DOCK4: variants seen among roughly 807,000 people sequenced by gnomAD.
DOCK4 encodes the protein dedicator of cytokinesis protein 4.
In DOCK4, 97 loss-of-function variants were observed where a neutral mutation model predicts 268.1. The ratio of observed to expected loss-of-function variants is 0.36; its 90% CI spans 0.31 to 0.43. The LOEUF is 0.43. Ranked by LOEUF, DOCK4 falls within the 20% of genes least tolerant of loss-of-function variation. DOCK4 has a pLI of 1.00. For missense variants in DOCK4, 2,145 were observed against 2,455.7 expected, an observed-to-expected ratio of 0.87 and a Z score of 2.67; for synonymous variants, 954 against 887.2, an observed-to-expected ratio of 1.08 and a Z score of -1.34.
At chr7:112,198,905 G>A (rs1019627754) in intron 1 of DOCK4, among the ~76,000 whole-genome samples, 2 of 152,092 alleles carry the variant, frequency 1.3e-5, no homozygotes, top group Non-Finnish European at 2.9e-5. Context: ...GCTCCAACGT[G>A]CTCATAACCA....
chr7:111,817,903 C>T (rs1162199238), intron 27 of DOCK4, among the ~76,000 whole-genome samples: 1 of 152,108 alleles, frequency 6.6e-6, no homozygotes, highest in East Asian at 1.9e-4. Context: ...TTAGGTTTTC[C>T]TTTTCACCAC....
chr7:111,816,928 C>G (rs1415313417), intron 27 of DOCK4, among the ~76,000 whole-genome samples: 2 of 152,130 alleles, frequency 1.3e-5, no homozygotes, highest in Non-Finnish European at 2.9e-5. Flanking sequence ...AGTGATTTTG[C>G]TTTCAGTCAA....
chr7:111,940,710 C>T (rs563408087), intron 10 of DOCK4, among the ~76,000 whole-genome samples: 1 of 152,364 alleles, frequency 6.6e-6, no homozygotes, highest in Non-Finnish European at 1.5e-5. Context: ...AATGTGCATG[C>T]TCCTGCCTCA....
intron 1 of DOCK4, among the ~76,000 whole-genome samples, chr7:112,005,553 T>C (rs1277651813): frequency 3.3e-5 from 5 of 152,238 alleles, no homozygotes; most frequent in African/African-American, 1.2e-4. Flanking sequence ...CAAGGGTCTA[T>C]ATATCTTGAC....
intron 1 of DOCK4, among the ~76,000 whole-genome samples, chr7:112,062,179 G>A (rs1806474984): frequency 6.6e-6 from 1 of 152,054 alleles, no homozygotes; most frequent in Non-Finnish European, 1.5e-5. Context: ...CTAAGATATA[G>A]GATGTCCTAA....
At chr7:111,795,867 G>A (rs2133831189) in intron 30 of DOCK4, among the ~76,000 whole-genome samples, 1 of 152,258 alleles carries the variant, frequency 6.6e-6, no homozygotes, top group South Asian at 2.1e-4. Context: ...CCTTGACAGA[G>A]GCCACTGGTT....
At chr7:111,861,229 A>G (rs780188066) in intron 23 of DOCK4, among the ~76,000 whole-genome samples, 21 of 152,306 alleles carry the variant, frequency 1.4e-4, no homozygotes, top group Middle Eastern at 3.4e-3. Context: ...ACTACAAGAA[A>G]TATCTTTTCT....
intron 13 of DOCK4, among the ~76,000 whole-genome samples, chr7:111,902,385 A>G (rs1456605345): frequency 6.6e-6 from 1 of 152,208 alleles, no homozygotes; most frequent in African/African-American, 2.4e-5. Context: ...TCAAGCTATA[A>G]AACAATTGAG....
chr7:111,850,737 C>T (rs1206839391), intron 23 of DOCK4, among the ~76,000 whole-genome samples: 2 of 152,074 alleles, frequency 1.3e-5, no homozygotes, highest in Non-Finnish European at 1.5e-5. Flanking sequence ...TGACCCCCAC[C>T]CCTGCCCTCA....
At position 111,787,707 on chromosome 7, in the gene DOCK4, T is replaced by C. The variant is rs188637098; in HGVS notation, c.3401+955A>G. ...ATAAAGTTTTGGACCTGGCCATCAA[T>C]ACTAAAGCACTGATATTTAGTTTTA... On this transcript the variant is annotated intron_variant, in intron 32 of 52. Coordinates refer to ENST00000428084, the MANE Select transcript of DOCK4 (RefSeq NM_001363540.2). Among the ~76,000 whole-genome samples, 22 of 152,330 alleles carry C rather than the reference T, an allele frequency of 1.4e-4. No individual in the cohort carries two copies. In the East Asian group the frequency reaches 2.5e-3, roughly 17 times the overall value.
intron 50 of DOCK4, among the ~76,000 whole-genome samples, chr7:111,735,806 T>G (rs1046617231): frequency 5.3e-5 from 8 of 152,184 alleles, no homozygotes; most frequent in Non-Finnish European, 1.5e-5. Context: ...ATAGCCACTA[T>G]GCAATGAGGT....
chr7:112,077,848 C>T (rs975277729), intron 1 of DOCK4, among the ~76,000 whole-genome samples: 4 of 151,882 alleles, frequency 2.6e-5, no homozygotes, highest in Non-Finnish European at 5.9e-5. Flanking sequence ...GTAAACTTAT[C>T]AGTTAATAGG....
At chr7:111,947,566 A>G (rs1184974086) in intron 8 of DOCK4, among the ~76,000 whole-genome samples, 3 of 138,130 alleles carry the variant, frequency 2.2e-5, no homozygotes. Flanking sequence ...CACATGTGAT[A>G]TTATTCCAAA....
At chr7:112,095,035 T>C (rs1809985188) in intron 1 of DOCK4, among the ~76,000 whole-genome samples, 1 of 152,262 alleles carries the variant, frequency 6.6e-6, no homozygotes, top group Non-Finnish European at 1.5e-5. Context: ...TATTTCTTTA[T>C]AGCAATGTAA....
chr7:111,769,423 G>T, intron 37 of DOCK4, 106 bp downstream of exon 37: 1 of 1,380,644 alleles, frequency 7.2e-7, no homozygotes, highest in Non-Finnish European at 1.0e-6. Flanking sequence ...TAAGATGTGA[G>T]GATCCCTGCT....
At chr7:111,961,465 G>C (rs1319134040) in intron 8 of DOCK4, among the ~76,000 whole-genome samples, 1 of 152,172 alleles carries the variant, frequency 6.6e-6, no homozygotes, top group African/African-American at 2.4e-5. Flanking sequence ...GGGTAGAGGT[G>C]ATGTGCATTC....
rs1171158651 is a variant in DOCK4 at position 111,726,765 on chromosome 7, A to G, written c.*1509T>C. Reference sequence around the variant, plus strand: ...ACTGCATCAACAACTGTTTGCGTTTATTTTTACTTTTTTTTACACATAATG... The same window carrying G: ...ACTGCATCAACAACTGTTTGCGTTTGTTTTTACTTTTTTTTACACATAATG... On this transcript the variant is annotated 3_prime_UTR_variant, in exon 53 of 53. Coordinates refer to ENST00000428084, the MANE Select transcript of DOCK4 (RefSeq NM_001363540.2). 3.9e-5 allele frequency: 6 copies of G among 152,592 alleles called. No homozygotes were observed. Among genetic ancestry groups the G allele is most frequent in the African/African-American group, 9.6e-5 (4 of 41,456 alleles). 9.5% of individuals were successfully genotyped at this position (152,592 alleles called of 1,614,324 possible).
At chr7:112,136,986 TC>T (rs1814415253) in intron 1 of DOCK4, among the ~76,000 whole-genome samples, 1 of 151,940 alleles carries the variant, frequency 6.6e-6, no homozygotes. Context: ...GCAGAGTGCC[TC>T]CAATACTGAG....
At chr7:111,923,107 C>T (rs1417502475) in intron 12 of DOCK4, among the ~76,000 whole-genome samples, 2 of 152,010 alleles carry the variant, frequency 1.3e-5, no homozygotes, top group Non-Finnish European at 2.9e-5. Flanking sequence ...ACAGTAACCA[C>T]AAAAAACAAT....
Sources: gnomAD v4.1 joint callset for allele counts (sites outside exome capture counted in the v4.1 genomes callset) on GRCh38, gnomAD v4.1.1 for gene constraint, MANE v1.5 for transcripts, NCBI Gene and HGNC (gene_info 2026-07-23, HGNC 2026-07-21) for gene names.